Variants in ARHGAP10 observed in about 807,000 individuals in gnomAD.
ARHGAP10 encodes Rho GTPase activating protein 10.
ARHGAP10 carries 87 observed loss-of-function variants against 108.6 expected under a neutral mutation model. The observed-to-expected ratio is 0.80, with a 90% CI of 0.67 to 0.96. The LOEUF (loss-of-function observed/expected upper bound fraction) is 0.96. ARHGAP10 is among the 40% of genes least tolerant of loss of function. The probability of loss-of-function intolerance (pLI) is 0.00; values close to 1 mark genes in which losing one functional copy is unlikely to be tolerated. For synonymous variants in ARHGAP10, 347 were observed against 341.1 expected (o/e 1.02, Z -0.19); for missense variants, 939 against 954.5 (o/e 0.98, Z 0.21).
chr4:147,779,700 A>G (rs1030333975), intron 1 of ARHGAP10, among the ~76,000 whole-genome samples: 2 of 152,204 alleles, frequency 1.3e-5, no homozygotes, highest in Non-Finnish European at 2.9e-5. Context: ...CAGTTACTTT[A>G]AAACTGAGTT....
chr4:147,784,824 T>A (rs1215808993), intron 1 of ARHGAP10, among the ~76,000 whole-genome samples: 1 of 30,474 alleles, frequency 3.3e-5, no homozygotes, highest in Non-Finnish European at 1.3e-4. Context: ...ATAAAATATA[T>A]ATTATAAATA....
chr4:147,813,388 A>G (rs895352925), intron 1 of ARHGAP10, among the ~76,000 whole-genome samples: 3 of 152,146 alleles, frequency 2.0e-5, no homozygotes, highest in African/African-American at 7.2e-5. Context: ...TTTGATTGGG[A>G]TGGGACACCA....
At chr4:147,969,421 C>G (rs1431769086) in intron 18 of ARHGAP10, among the ~76,000 whole-genome samples, 3 of 147,466 alleles carry the variant, frequency 2.0e-5, no homozygotes, top group African/African-American at 5.1e-5. Flanking sequence ...GTGCACTAAG[C>G]CATCCAGACA....
At chr4:147,904,424 T>G (rs567927083) in intron 10 of ARHGAP10, among the ~76,000 whole-genome samples, 12 of 137,898 alleles carry the variant, frequency 8.7e-5, no homozygotes, top group Non-Finnish European at 1.7e-4. Context: ...GATGTTCCCC[T>G]TCCTGTGTCC....
rs551202729 is a variant in ARHGAP10, at chr4:147,798,608, C to T, written c.155-24119C>T. ...CAGCCTGGCCAACATGATGAAACCCCGTCTCTACTAAAAATACAAAAGATT... is the reference window on the plus strand; with the variant it reads ...CAGCCTGGCCAACATGATGAAACCCTGTCTCTACTAAAAATACAAAAGATT... On this transcript the variant is annotated intron_variant, in intron 1 of 22. Transcript: ENST00000336498. Among the ~76,000 whole-genome samples the T allele has an allele frequency of 1.3e-4, 19 of 151,514 alleles. No homozygotes were observed. The East Asian group carries it at 3.5e-3, about 28-fold the overall frequency.
At position 147,870,773 on chromosome 4, in the gene ARHGAP10, T is replaced by C. The variant is rs370195034; in HGVS notation, c.702+3957T>C. On this transcript the variant is annotated intron_variant, in intron 7 of 22. Transcript: ENST00000336498. Reference sequence around the variant, plus strand: ...GAATGTGGGGAAGAAGAGACTAGAATAGAATTCTTCCTGGAAGGAAATACA... The same window carrying C: ...GAATGTGGGGAAGAAGAGACTAGAACAGAATTCTTCCTGGAAGGAAATACA... Among the ~76,000 whole-genome samples, 66 of 152,288 alleles carry C rather than the reference T, an allele frequency of 4.3e-4. No individual in the cohort carries two copies. In the South Asian group the frequency reaches 7.9e-3, roughly 18 times the overall value.
chr4:147,778,748 T>C (rs1156325587), intron 1 of ARHGAP10, among the ~76,000 whole-genome samples: 2 of 152,182 alleles, frequency 1.3e-5, no homozygotes, highest in African/African-American at 4.8e-5. Context: ...TAAAATCTGT[T>C]TGTAATCTCC....
chr4:148,045,594 C>T (rs571572355), intron 19 of ARHGAP10, among the ~76,000 whole-genome samples: 33 of 151,856 alleles, frequency 2.2e-4, no homozygotes, highest in African/African-American at 6.8e-4. Flanking sequence ...CAAAATTAGC[C>T]GGGCGTGGTG....
chr4:147,960,468 A>G (rs1007357026), intron 16 of ARHGAP10, among the ~76,000 whole-genome samples: 13 of 152,198 alleles, frequency 8.5e-5, no homozygotes, highest in Admixed American at 7.9e-4. Flanking sequence ...TGTTCCATTT[A>G]ATGACACTGA....
At chr4:147,943,482 A>G (rs763650081) in intron 14 of ARHGAP10, among the ~76,000 whole-genome samples, 3 of 152,204 alleles carry the variant, frequency 2.0e-5, no homozygotes, top group Non-Finnish European at 2.9e-5. Flanking sequence ...ATTGGACCTA[A>G]GTCAGTGTTG....
chr4:147,975,174 T>A (rs1739545595), intron 18 of ARHGAP10, among the ~76,000 whole-genome samples: 1 of 152,210 alleles, frequency 6.6e-6, no homozygotes, highest in African/African-American at 2.4e-5. Flanking sequence ...TTTTAGCCTT[T>A]GTAATAGGGA....
At chr4:148,070,141 G>T (rs1348543734) in intron 22 of ARHGAP10, among the ~76,000 whole-genome samples, 1 of 152,224 alleles carries the variant, frequency 6.6e-6, no homozygotes, top group African/African-American at 2.4e-5. Flanking sequence ...GACTAGAAGA[G>T]AATGTCTCAG....
chr4:147,769,575 A>G (rs915447462), intron 1 of ARHGAP10, among the ~76,000 whole-genome samples: 3 of 152,322 alleles, frequency 2.0e-5, no homozygotes, highest in Non-Finnish European at 2.9e-5. Context: ...TTCTACAGAG[A>G]TGATTAATAC....
chr4:147,895,525 A>AT, intron 10 of ARHGAP10, among the ~76,000 whole-genome samples: 1 of 151,214 alleles, frequency 6.6e-6, no homozygotes, highest in East Asian at 1.9e-4. Context: ...AAAAAAAAAA[A>AT]AAAAAAAAAA....
chr4:147,867,679 C>A (rs1209475657), intron 7 of ARHGAP10, among the ~76,000 whole-genome samples: 1 of 152,024 alleles, frequency 6.6e-6, no homozygotes, highest in African/African-American at 2.4e-5. Flanking sequence ...TGCTGGCCAA[C>A]ATGGTGAAAC....
intron 4 of ARHGAP10, among the ~76,000 whole-genome samples, chr4:147,851,734 T>C (rs889551223): frequency 2.0e-5 from 3 of 152,176 alleles, no homozygotes; most frequent in Non-Finnish European, 4.4e-5. Context: ...CAACTAGGAA[T>C]TACAACACTG....
chr4:147,885,603 G>A (rs1735515141), intron 10 of ARHGAP10, among the ~76,000 whole-genome samples: 1 of 152,152 alleles, frequency 6.6e-6, no homozygotes, highest in Non-Finnish European at 1.5e-5. Flanking sequence ...AACCTGGGAA[G>A]AAATTGGGTA....
chr4:147,909,862 G>A (rs1736663831), intron 12 of ARHGAP10, 85 bp downstream of exon 12: 2 of 1,358,270 alleles, frequency 1.5e-6, no homozygotes, highest in Non-Finnish European at 2.1e-6. Flanking sequence ...CTGTTGCTGG[G>A]AGCTTACTCT....
intron 18 of ARHGAP10, among the ~76,000 whole-genome samples, chr4:148,000,169 T>C (rs888059973): frequency 1.3e-5 from 2 of 151,846 alleles, no homozygotes; most frequent in African/African-American, 4.8e-5. Flanking sequence ...AGTGAGAACA[T>C]GTGGTGGTTG....
Sources: gnomAD v4.1 joint callset for allele counts (sites outside exome capture counted in the v4.1 genomes callset) on GRCh38, gnomAD v4.1.1 for gene constraint, MANE v1.5 for transcripts, NCBI Gene and HGNC (gene_info 2026-07-23, HGNC 2026-07-21) for gene names.